Variants in TMEM232 observed in about 807,000 individuals in gnomAD.
TMEM232 encodes the protein transmembrane protein 232.
In TMEM232, 80 loss-of-function variants were observed where a neutral mutation model predicts 78.8. That is an observed-to-expected ratio of 1.01 (90% CI 0.85 to 1.22). The LOEUF (loss-of-function observed/expected upper bound fraction) is 1.22, where lower values mean the gene tolerates loss of function less well. Among genes scored for constraint, TMEM232 ranks in the 50% most tolerant of loss-of-function variants. The pLI is 0.00. For missense variants in TMEM232, 881 were observed against 742.2 expected, an observed-to-expected ratio of 1.19 and a Z score of -2.17; for synonymous variants, 297 against 254.3, an observed-to-expected ratio of 1.17 and a Z score of -1.60.
intron 10 of TMEM232, among the ~76,000 whole-genome samples, chr5:110,597,261 C>T (rs181027728): frequency 6.6e-6 from 1 of 152,250 alleles, no homozygotes; most frequent in Admixed American, 6.5e-5. Flanking sequence ...CTCCCATTCA[C>T]GATTGCTTCA....
intron 2 of TMEM232, among the ~76,000 whole-genome samples, chr5:110,648,473 A>G (rs753758040): frequency 2.6e-5 from 4 of 152,126 alleles, no homozygotes; most frequent in South Asian, 4.1e-4. Flanking sequence ...AACGTTTTTC[A>G]TAAGGGATAA....
intron 11 of TMEM232, among the ~76,000 whole-genome samples, chr5:110,564,258 T>C (rs1776076037): frequency 6.6e-6 from 1 of 151,966 alleles, no homozygotes; most frequent in African/African-American, 2.4e-5. Flanking sequence ...TATAAACAGA[T>C]TAACTTGCCT....
chr5:110,686,600 T>C (rs754562830), intron 1 of TMEM232, among the ~76,000 whole-genome samples: 1 of 152,040 alleles, frequency 6.6e-6, no homozygotes, highest in Non-Finnish European at 1.5e-5. Flanking sequence ...CACTAAGTTA[T>C]AGATAACCAG....
At position 110,518,399 on chromosome 5, in the gene TMEM232, T is replaced by C. The variant is rs75027075; in HGVS notation, c.1703+10189A>G. ...ATTCTTCCATGTCTGTCCTTCGGAA[T>C]ACACAGAATGCATCTGGAGACTCTA... On this transcript the variant is annotated intron_variant, in intron 12 of 13. Transcript: ENST00000455884. 9.8e-3 allele frequency among the ~76,000 whole-genome samples: 1,494 copies of C among 152,288 alleles called. 28 individuals carry two copies. Among genetic ancestry groups the C allele is most frequent in the African/African-American group, 0.034 (1,418 of 41,562 alleles).
In TMEM232 at chr5:110,512,350, C is replaced by G. The variant is rs190741728; in HGVS notation, c.1703+16238G>C. Among the ~76,000 whole-genome samples the G allele has an allele frequency of 6.6e-5, 10 of 152,230 alleles. No homozygotes were observed. In the East Asian group the frequency reaches 1.9e-3, roughly 29 times the overall value. ...GTTCCAAATAACTTTTGGTGGACAA[C>G]CAACATGCTAGAGTCACGAGCAGTA... On this transcript the variant is annotated intron_variant, in intron 12 of 13. Transcript: ENST00000455884.
intron 3 of TMEM232, among the ~76,000 whole-genome samples, chr5:110,396,929 G>A (rs532764575): frequency 1.8e-3 from 277 of 152,176 alleles, no homozygotes; most frequent in African/African-American, 6.1e-3. Context: ...TGAAAAACTC[G>A]TAACTCGAAA....
intron 10 of TMEM232, among the ~76,000 whole-genome samples, chr5:110,578,825 G>A (rs1406116134): frequency 6.6e-6 from 1 of 151,816 alleles, no homozygotes; most frequent in African/African-American, 2.4e-5. Flanking sequence ...CCAGAAACTA[G>A]TAGAAGGGCT....
intron 1 of TMEM232, chr5:110,725,872 T>C (rs1354894850): frequency 2.6e-5 from 4 of 152,128 alleles, no homozygotes; most frequent in African/African-American, 9.7e-5. Context: ...AAAGGTAACA[T>C]GCATTAGAGA....
intron 1 of TMEM232, among the ~76,000 whole-genome samples, 176 bp downstream of exon 1, chr5:110,726,451 G>A (rs1798164104): frequency 1.3e-5 from 2 of 152,150 alleles, no homozygotes; most frequent in Non-Finnish European, 2.9e-5. Context: ...CAGATAGCAG[G>A]CCCAGCCTGG....
chr5:110,671,332 C>CA (rs1791325287), intron 1 of TMEM232, among the ~76,000 whole-genome samples: 1 of 152,136 alleles, frequency 6.6e-6, no homozygotes, highest in Non-Finnish European at 1.5e-5. Flanking sequence ...TTGTGGAAGA[C>CA]AGTGTGGCGA....
intron 2 of TMEM232, among the ~76,000 whole-genome samples, chr5:110,399,252 A>G (rs917342874): frequency 3.3e-5 from 5 of 152,120 alleles, no homozygotes; most frequent in Non-Finnish European, 7.4e-5. Context: ...AGGAATAAAG[A>G]TACTTCCTGA....
downstream of TMEM232, chr5:110,417,553 G>GTTTA (rs1295131007): frequency 2.0e-5 from 3 of 147,680 alleles, no homozygotes; most frequent in African/African-American, 7.5e-5. Flanking sequence ...GTATAGTAAA[G>GTTTA]TTTATTTTTA....
intron 8 of TMEM232, among the ~76,000 whole-genome samples, chr5:110,616,032 C>G (rs934579194): frequency 1.3e-5 from 2 of 151,848 alleles, no homozygotes; most frequent in Non-Finnish European, 2.9e-5. Flanking sequence ...CAATTCCTAT[C>G]AAAATTTTAA....
chr5:110,598,699 A>G (rs2149800958), intron 10 of TMEM232, among the ~76,000 whole-genome samples: 2 of 152,134 alleles, frequency 1.3e-5, no homozygotes, highest in African/African-American at 4.8e-5. Context: ...TGAGGAGTTC[A>G]TGTCCTCTGT....
chr5:110,699,594 G>C (rs1795203358), intron 1 of TMEM232, among the ~76,000 whole-genome samples: 1 of 151,984 alleles, frequency 6.6e-6, no homozygotes, highest in African/African-American at 2.4e-5. Context: ...CTTTACAAAG[G>C]GGAATGATAA....
intron 8 of TMEM232, among the ~76,000 whole-genome samples, chr5:110,606,778 T>C (rs943895229): frequency 6.6e-6 from 1 of 152,048 alleles, no homozygotes; most frequent in Non-Finnish European, 1.5e-5. Flanking sequence ...AAATAAAATT[T>C]ATATTTCACA....
chr5:110,577,975 C>T (rs956376367), intron 10 of TMEM232, among the ~76,000 whole-genome samples: 5 of 151,648 alleles, frequency 3.3e-5, no homozygotes, highest in African/African-American at 1.2e-4. Context: ...CAACCAATCC[C>T]CATGACACAA....
chr5:110,576,417 T>C (rs944975771), intron 10 of TMEM232, among the ~76,000 whole-genome samples: 5 of 151,980 alleles, frequency 3.3e-5, no homozygotes, highest in Non-Finnish European at 7.4e-5. Flanking sequence ...ATTCCATGCT[T>C]ATAGATAAGA....
chr5:110,566,524 C>A (rs2149677704), intron 11 of TMEM232, among the ~76,000 whole-genome samples: 1 of 152,032 alleles, frequency 6.6e-6, no homozygotes, highest in South Asian at 2.1e-4. Flanking sequence ...CAAAGTTCCA[C>A]AGATCTCTAG....
Sources: gnomAD v4.1 joint callset for allele counts (sites outside exome capture counted in the v4.1 genomes callset) on GRCh38, gnomAD v4.1.1 for gene constraint, MANE v1.5 for transcripts, NCBI Gene and HGNC (gene_info 2026-07-23, HGNC 2026-07-21) for gene names.